Variants in DLGAP1 observed in about 807,000 individuals in gnomAD.
DLGAP1 encodes the protein DLG associated protein 1, also known as disks large-associated protein 1.
DLGAP1 carries 11 observed loss-of-function variants against 90.8 expected under a neutral mutation model. The ratio of observed to expected loss-of-function variants is 0.12; its 90% CI spans 0.08 to 0.20. DLGAP1 has a LOEUF of 0.20. Among genes scored for constraint, DLGAP1 ranks in the 10% least tolerant of loss-of-function variants. The pLI is 1.00. For synonymous variants in DLGAP1, 558 were observed against 540.7 expected, an observed-to-expected ratio of 1.03 and a Z score of -0.44; for missense variants, 1,050 against 1,333.8, an observed-to-expected ratio of 0.79 and a Z score of 3.31.
intron 8 of DLGAP1, among the ~76,000 whole-genome samples, chr18:3,572,591 A>G (rs2054876974): frequency 6.6e-6 from 1 of 152,200 alleles, no homozygotes; most frequent in Non-Finnish European, 1.5e-5. Flanking sequence ...CTGGGACTAC[A>G]GGCATGTGCC....
chr18:4,315,519 T>C (rs935034730), intron 1 of DLGAP1, among the ~76,000 whole-genome samples: 1 of 152,246 alleles, frequency 6.6e-6, no homozygotes, highest in Non-Finnish European at 1.5e-5. Context: ...CCTCAATTGC[T>C]TTCTAGAAGT....
intron 4 of DLGAP1, among the ~76,000 whole-genome samples, chr18:3,825,158 T>C (rs1047958759): frequency 6.6e-6 from 1 of 152,198 alleles, no homozygotes; most frequent in African/African-American, 2.4e-5. Context: ...TCAAGGTCCA[T>C]TGAAAGGAAA....
intron 10 of DLGAP1, among the ~76,000 whole-genome samples, chr18:3,531,305 C>T (rs1202599834): frequency 6.6e-6 from 1 of 151,924 alleles, no homozygotes; most frequent in Non-Finnish European, 1.5e-5. Context: ...GGCATGGTGG[C>T]AGGTGCCTGT....
intron 2 of DLGAP1, among the ~76,000 whole-genome samples, chr18:4,144,211 A>G (rs1212339411): frequency 2.0e-5 from 3 of 152,206 alleles, no homozygotes; most frequent in African/African-American, 7.2e-5. Flanking sequence ...GGCCTAGACT[A>G]GCATTTAAGT....
chr18:4,438,564 C>T (rs141746526), intron 1 of DLGAP1, among the ~76,000 whole-genome samples: 18 of 152,050 alleles, frequency 1.2e-4, no homozygotes, highest in African/African-American at 4.1e-4. Flanking sequence ...CCACTATCCC[C>T]ATTCATTTCT....
intron 5 of DLGAP1, among the ~76,000 whole-genome samples, chr18:3,797,100 G>A (rs1327525524): frequency 1.3e-5 from 2 of 152,164 alleles, no homozygotes; most frequent in Non-Finnish European, 2.9e-5. Context: ...TTGGGAGGCT[G>A]AGGCAGGTGG....
At chr18:3,975,798 T>C (rs1163684760) in intron 3 of DLGAP1, among the ~76,000 whole-genome samples, 1 of 152,196 alleles carries the variant, frequency 6.6e-6, no homozygotes, top group African/African-American at 2.4e-5. Flanking sequence ...AAAGACATTG[T>C]GCAAAGTGAA....
chr18:3,559,020 T>C (rs1339119487), intron 9 of DLGAP1, among the ~76,000 whole-genome samples: 1 of 152,224 alleles, frequency 6.6e-6, no homozygotes, highest in African/African-American at 2.4e-5. Context: ...ATCCTATTTA[T>C]AGCATTCTGG....
chr18:3,736,493 ATG>A (rs1196364430), intron 6 of DLGAP1, among the ~76,000 whole-genome samples: 2 of 152,164 alleles, frequency 1.3e-5, no homozygotes, highest in Non-Finnish European at 2.9e-5. Context: ...TTGATGAATA[ATG>A]TGTCAGGTTT....
At chr18:4,307,390 C>T (rs755646433) in intron 1 of DLGAP1, among the ~76,000 whole-genome samples, 2 of 152,172 alleles carry the variant, frequency 1.3e-5, no homozygotes, top group Non-Finnish European at 2.9e-5. Context: ...AATGCCATCT[C>T]TGGTTTCCAC....
intron 8 of DLGAP1, among the ~76,000 whole-genome samples, chr18:3,578,320 T>C (rs535399186): frequency 4.4e-4 from 67 of 152,242 alleles, no homozygotes; most frequent in African/African-American, 1.4e-3. Context: ...TTAAATTTGA[T>C]TTCTGTATAA....
chr18:4,449,008 T>G (rs768570188), intron 1 of DLGAP1, among the ~76,000 whole-genome samples: 55 of 152,308 alleles, frequency 3.6e-4, no homozygotes, highest in Non-Finnish European at 6.3e-4. Context: ...TAGGGGCCAC[T>G]GTCTCTGGTC....
intron 1 of DLGAP1, among the ~76,000 whole-genome samples, chr18:4,346,634 A>G (rs1001307859): frequency 2.0e-5 from 3 of 152,216 alleles, no homozygotes; most frequent in Admixed American, 1.3e-4. Context: ...TTGGAACTTA[A>G]GACACATCTG....
At chr18:4,016,179 T>G (rs951350840) in intron 2 of DLGAP1, among the ~76,000 whole-genome samples, 3 of 152,204 alleles carry the variant, frequency 2.0e-5, no homozygotes, top group Non-Finnish European at 4.4e-5. Flanking sequence ...CAATTTTATA[T>G]AGGAGAAAGA....
chr18:4,111,613 T>C (rs946966090), intron 2 of DLGAP1, among the ~76,000 whole-genome samples: 4 of 152,198 alleles, frequency 2.6e-5, no homozygotes, highest in Admixed American at 1.3e-4. Flanking sequence ...TTGCAGTTTT[T>C]AAATTAGTGA....
chr18:4,066,649 T>C (rs905032444), intron 2 of DLGAP1, among the ~76,000 whole-genome samples: 3 of 152,284 alleles, frequency 2.0e-5, no homozygotes, highest in African/African-American at 7.2e-5. Flanking sequence ...CCAGTCAGGA[T>C]GGTTATTATT....
chr18:4,002,181 A>G (rs1666164080), intron 3 of DLGAP1, among the ~76,000 whole-genome samples: 1 of 152,048 alleles, frequency 6.6e-6, no homozygotes, highest in Admixed American at 6.5e-5. Context: ...CACTTTCCTA[A>G]TTACTTTAAG....
chr18:3,545,625 G>A (rs938557417), intron 9 of DLGAP1, among the ~76,000 whole-genome samples: 9 of 152,186 alleles, frequency 5.9e-5, no homozygotes, highest in Non-Finnish European at 1.0e-4. Flanking sequence ...GGGAAGCTGA[G>A]GTGGGCAGAT....
At chr18:4,396,544 C>T (rs996713438) in intron 1 of DLGAP1, among the ~76,000 whole-genome samples, 2 of 152,102 alleles carry the variant, frequency 1.3e-5, no homozygotes, top group East Asian at 1.9e-4. Flanking sequence ...GAAGGTTTCC[C>T]GTAGATAAAC....
Sources: gnomAD v4.1 joint callset for allele counts (sites outside exome capture counted in the v4.1 genomes callset) on GRCh38, gnomAD v4.1.1 for gene constraint, MANE v1.5 for transcripts, NCBI Gene and HGNC (gene_info 2026-07-23, HGNC 2026-07-21) for gene names.